Variants in MTUS2 observed in about 807,000 individuals in gnomAD.
MTUS2 encodes the protein microtubule associated scaffold protein 2.
In MTUS2, 40 loss-of-function variants were observed where a neutral mutation model predicts 114.1. The observed-to-expected ratio is 0.35, with a 90% CI of 0.27 to 0.46. The LOEUF is 0.46. MTUS2 is among the 20% of genes least tolerant of loss of function. The probability of loss-of-function intolerance (pLI) is 1.00; values close to 1 mark genes in which losing one functional copy is unlikely to be tolerated. For synonymous variants in MTUS2, 688 were observed against 672.0 expected, an observed-to-expected ratio of 1.02 and a Z score of -0.37; for missense variants, 1,679 against 1,705.4, an observed-to-expected ratio of 0.98 and a Z score of 0.27.
chr13:29,215,930 C>T (rs1472916105), intron 5 of MTUS2, among the ~76,000 whole-genome samples: 1 of 152,212 alleles, frequency 6.6e-6, no homozygotes, highest in African/African-American at 2.4e-5. Context: ...CTGCTTTCTT[C>T]AGAGCTGGCA....
chr13:28,827,852 A>G (rs757147239), intron 1 of MTUS2, among the ~76,000 whole-genome samples: 6 of 152,218 alleles, frequency 3.9e-5, no homozygotes, highest in Non-Finnish European at 8.8e-5. Flanking sequence ...ACAAGGTAAT[A>G]AAATATCACA....
chr13:29,405,403 G>A (rs956791154), intron 8 of MTUS2, among the ~76,000 whole-genome samples: 1 of 152,058 alleles, frequency 6.6e-6, no homozygotes, highest in Admixed American at 6.5e-5. Flanking sequence ...AAGTTCATAA[G>A]CATCACAATT....
chr13:29,370,694 C>A (rs917649687), intron 8 of MTUS2, among the ~76,000 whole-genome samples: 2 of 152,162 alleles, frequency 1.3e-5, no homozygotes, highest in Non-Finnish European at 2.9e-5. Flanking sequence ...AAATAAACTT[C>A]CTTCCTTTAT....
intron 2 of MTUS2, among the ~76,000 whole-genome samples, chr13:28,887,950 C>T (rs1380164026): frequency 6.6e-6 from 1 of 152,178 alleles, no homozygotes; most frequent in Non-Finnish European, 1.5e-5. Context: ...CCCACTTTGC[C>T]ATTTCTACTT....
At chr13:28,840,574 CAA>C (rs1273891944) in intron 2 of MTUS2, among the ~76,000 whole-genome samples, 2 of 152,134 alleles carry the variant, frequency 1.3e-5, no homozygotes, top group African/African-American at 4.8e-5. Context: ...TTTAAATCAG[CAA>C]AGTTTTAATA....
At chr13:28,917,631 C>T (rs551017656) in intron 2 of MTUS2, among the ~76,000 whole-genome samples, 15 of 150,952 alleles carry the variant, frequency 9.9e-5, no homozygotes, top group East Asian at 9.7e-4. Flanking sequence ...TCATTAGTCT[C>T]GCTAAAAATT....
At chr13:29,024,030 A>C (rs1886402176) in intron 2 of MTUS2, among the ~76,000 whole-genome samples, 1 of 152,246 alleles carries the variant, frequency 6.6e-6, no homozygotes, top group African/African-American at 2.4e-5. Context: ...GTTCCCCAAC[A>C]ATCTTTTACC....
intron 5 of MTUS2, among the ~76,000 whole-genome samples, chr13:29,146,076 T>G (rs558269531): frequency 1.3e-5 from 2 of 152,226 alleles, no homozygotes; most frequent in Non-Finnish European, 2.9e-5. Flanking sequence ...TTATATATCT[T>G]GGTTCATTAC....
At chr13:29,408,215 G>A (rs147290905) in intron 8 of MTUS2, among the ~76,000 whole-genome samples, 5 of 151,270 alleles carry the variant, frequency 3.3e-5, no homozygotes, top group Non-Finnish European at 4.4e-5. Context: ...TATTGCTTGT[G>A]CTTTTTTTGT....
At position 29,480,941 on chromosome 13, in the gene MTUS2, A is replaced by C. The variant is rs1881120863; in HGVS notation, c.3399+577A>C. ...CCCTAACGAGGAAGGTACCATTCTT[A>C]TTCCCATTTTACACGGAAGAAAGCC... On this transcript the variant is annotated intron_variant, in intron 10 of 15. Coordinates refer to ENST00000612955, the MANE Select transcript of MTUS2 (RefSeq NM_001033602.4). This position sits in a 1 kb window ranked among gnomAD's most constrained non-coding sequence, Gnocchi z 4.4. 6.6e-6 allele frequency among the ~76,000 whole-genome samples: 1 copy of C among 152,130 alleles called. No homozygotes were observed. The highest frequency in any genetic ancestry group is 1.5e-5 in the Non-Finnish European group (1 of 68,034).
At chr13:29,033,317 CAT>C (rs1163245831) in intron 3 of MTUS2, among the ~76,000 whole-genome samples, 1 of 152,152 alleles carries the variant, frequency 6.6e-6, no homozygotes, top group African/African-American at 2.4e-5. Context: ...TAGGTAAACA[CAT>C]AGTACAGATC....
chr13:28,906,122 G>T (rs904346629), intron 2 of MTUS2, among the ~76,000 whole-genome samples: 11 of 151,244 alleles, frequency 7.3e-5, no homozygotes, highest in Admixed American at 6.6e-4. Flanking sequence ...ATTTTTTATT[G>T]TGTCTGTTTG....
In MTUS2 at chr13:29,026,254, T is replaced by A; in HGVS notation, c.1556T>A (p.Ile519Asn). The change falls in exon 3 of 16, where the codon ATT becomes AAT. Residue 519 changes from isoleucine (I) to asparagine (N), a missense_variant. Coordinates refer to ENST00000612955, the MANE Select transcript of MTUS2 (RefSeq NM_001033602.4). ...NRNLLENADKIESTSARADSV... is the reference protein window; with the variant it reads ...NRNLLENADKNESTSARADSV... ...AACCTTCTAGAGAATGCAGATAAGATTGAAAGCACCTCAGCAAGAGCAGAT... is the reference window on the plus strand; with the variant it reads ...AACCTTCTAGAGAATGCAGATAAGAATGAAAGCACCTCAGCAAGAGCAGAT... 1 of 1,613,904 alleles carries A rather than the reference T, an allele frequency of 6.2e-7. No individual in the cohort carries two copies. Among genetic ancestry groups the A allele is most frequent in the South Asian group, 1.1e-5 (1 of 91,070 alleles).
intron 2 of MTUS2, among the ~76,000 whole-genome samples, chr13:28,876,706 A>C (rs529054462): frequency 6.6e-6 from 1 of 152,176 alleles, no homozygotes; most frequent in East Asian, 1.9e-4. Context: ...GGTCAGACCC[A>C]CCCATGGAGT....
At chr13:29,290,300 G>C (rs1898652059) in intron 6 of MTUS2, among the ~76,000 whole-genome samples, 1 of 152,070 alleles carries the variant, frequency 6.6e-6, no homozygotes, top group African/African-American at 2.4e-5. Context: ...TTTCCTGTAA[G>C]TGTCTCTGCT....
intron 10 of MTUS2, among the ~76,000 whole-genome samples, chr13:29,483,082 T>C (rs1273683282): frequency 6.6e-6 from 1 of 152,218 alleles, no homozygotes; most frequent in African/African-American, 2.4e-5. Context: ...GACTCTCCAC[T>C]CTTGGGGCCT....
chr13:29,007,765 C>T (rs966367231), intron 2 of MTUS2, among the ~76,000 whole-genome samples: 2 of 152,148 alleles, frequency 1.3e-5, no homozygotes, highest in Non-Finnish European at 2.9e-5. Context: ...TCTCGCTTTA[C>T]TTTATTGTAA....
At chr13:28,910,146 C>T (rs943658251) in intron 2 of MTUS2, among the ~76,000 whole-genome samples, 3 of 152,064 alleles carry the variant, frequency 2.0e-5, no homozygotes, top group Non-Finnish European at 2.9e-5. Context: ...TATTTTATAT[C>T]TATTAACCAC....
chr13:28,935,827 C>T (rs1379052471), intron 2 of MTUS2, among the ~76,000 whole-genome samples: 2 of 151,992 alleles, frequency 1.3e-5, no homozygotes, highest in Non-Finnish European at 2.9e-5. Context: ...TAACTCACTG[C>T]GGCCTGGACC....
Sources: gnomAD v4.1 joint callset for allele counts (sites outside exome capture counted in the v4.1 genomes callset) on GRCh38, gnomAD v4.1.1 for gene constraint, Gnocchi (gnomAD v3.1) non-coding constraint, MANE v1.5 for transcripts, NCBI Gene and HGNC (gene_info 2026-07-23, HGNC 2026-07-21) for gene names.